The following GLIS1 variants were observed in gnomAD, a reference collection of about 807,000 sequenced individuals.
The protein encoded by GLIS1 is zinc finger protein GLIS1.
Under a neutral mutation model 63.8 loss-of-function variants are expected in GLIS1, and 24 were observed. The observed-to-expected ratio is 0.38, with a 90% confidence interval of 0.27 to 0.53. The LOEUF is 0.53. Ranked by LOEUF, GLIS1 falls within the 20% of genes least tolerant of loss-of-function variation. The pLI is 0.85. For synonymous variants in GLIS1, 450 were observed against 482.5 expected (o/e 0.93, Z 0.88); for missense variants, 1,036 against 1,074.1 (o/e 0.96, Z 0.50).
chr1:53,723,601 G>A (rs754238950), intron 2 of GLIS1, among the ~76,000 whole-genome samples: 5 of 152,074 alleles, frequency 3.3e-5, no homozygotes, highest in Non-Finnish European at 7.4e-5. Context: ...TATATTAATA[G>A]ACAAGCATAG....
intron 2 of GLIS1, among the ~76,000 whole-genome samples, chr1:53,658,282 C>T (rs1262139604): frequency 8.5e-5 from 13 of 152,176 alleles, no homozygotes; most frequent in Non-Finnish European, 1.9e-4. Context: ...CTACTATACA[C>T]CTGATCTTTA....
intron 2 of GLIS1, among the ~76,000 whole-genome samples, chr1:53,669,769 G>A (rs1017404673): frequency 3.9e-5 from 6 of 152,210 alleles, no homozygotes; most frequent in South Asian, 2.1e-4. Flanking sequence ...TGAAAGCAGA[G>A]GACAGGTCCA....
At chr1:53,656,250 C>T (rs1645964358) in intron 2 of GLIS1, among the ~76,000 whole-genome samples, 1 of 152,324 alleles carries the variant, frequency 6.6e-6, no homozygotes, top group Admixed American at 6.5e-5. Flanking sequence ...AGGCACACCA[C>T]CCCATTCCAC....
At chr1:53,570,924 C>T (rs773838868) in intron 4 of GLIS1, among the ~76,000 whole-genome samples, 8 of 151,752 alleles carry the variant, frequency 5.3e-5, no homozygotes, top group Non-Finnish European at 1.2e-4. Context: ...ACTGCAGACA[C>T]AAAAATACAA....
intron 2 of GLIS1, among the ~76,000 whole-genome samples, chr1:53,627,130 G>T (rs183356297): frequency 6.6e-6 from 1 of 152,128 alleles, no homozygotes; most frequent in African/African-American, 2.4e-5. Flanking sequence ...CATGAATCTC[G>T]AACAAGGCAT....
intron 2 of GLIS1, among the ~76,000 whole-genome samples, chr1:53,608,594 G>A (rs1246283399): frequency 1.3e-5 from 2 of 152,208 alleles, no homozygotes; most frequent in Admixed American, 1.3e-4. Flanking sequence ...CTAACTGTGT[G>A]ACCTTGTCTA....
chr1:53,606,105 G>T (rs1452582228), intron 2 of GLIS1, among the ~76,000 whole-genome samples: 2 of 152,198 alleles, frequency 1.3e-5, no homozygotes, highest in Non-Finnish European at 2.9e-5. Flanking sequence ...CCAGGGGATG[G>T]CTGGCTCTTA....
chr1:53,703,172 CTGTT>C (rs2100499154), intron 2 of GLIS1, among the ~76,000 whole-genome samples: 1 of 152,362 alleles, frequency 6.6e-6, no homozygotes, highest in South Asian at 2.1e-4. Context: ...GTGTTTGGCA[CTGTT>C]CTATGCATTT....
At chr1:53,629,255 C>T (rs1400359673) in intron 2 of GLIS1, among the ~76,000 whole-genome samples, 1 of 152,172 alleles carries the variant, frequency 6.6e-6, no homozygotes, top group Non-Finnish European at 1.5e-5. Flanking sequence ...TGGGGACTCA[C>T]TCCTACCCAT....
intron 7 of GLIS1, among the ~76,000 whole-genome samples, chr1:53,516,403 G>A (rs982728659): frequency 3.3e-5 from 5 of 152,108 alleles, no homozygotes; most frequent in Admixed American, 2.0e-4. Flanking sequence ...TGGCAGGGAC[G>A]GCAAGCTCAG....
chr1:53,623,551 T>C (rs1645566912), intron 2 of GLIS1, among the ~76,000 whole-genome samples: 2 of 152,000 alleles, frequency 1.3e-5, no homozygotes, highest in Non-Finnish European at 2.9e-5. Flanking sequence ...TGCAGTTCAG[T>C]AAGAAAGGAA....
Position 53,514,756 on chromosome 1 carries a change from G to A in GLIS1, c.1752C>T (p.Pro584=). Residue 584 remains proline, a synonymous_variant, in exon 8 of 11, where the codon CCC becomes CCT. Coordinates refer to ENST00000628545, the MANE Select transcript of GLIS1 (RefSeq NM_001367484.1). ...LPGVYPGSIT[P]HNGLASGLLP... is the part of the protein sequence containing the mutation. ...GGAGGCCCGATGCAAGTCCGTTATG[G>A]GGGGTGATGGAGCCAGGATACACAC... 2.5e-6 allele frequency: 4 copies of A among 1,605,086 alleles called. No individual in the cohort carries two copies. Among genetic ancestry groups the A allele is most frequent in the Non-Finnish European group, 3.4e-6 (4 of 1,175,712 alleles).
chr1:53,593,837 C>A (rs1645217530), intron 4 of GLIS1, among the ~76,000 whole-genome samples: 1 of 152,248 alleles, frequency 6.6e-6, no homozygotes, highest in African/African-American at 2.4e-5. Context: ...GCCCCGGGCC[C>A]TGTGGCGTGC....
At chr1:53,552,707 C>T (rs1432156328) in intron 4 of GLIS1, among the ~76,000 whole-genome samples, 6 of 152,230 alleles carry the variant, frequency 3.9e-5, no homozygotes, top group Non-Finnish European at 2.9e-5. Flanking sequence ...CTCCATCCCA[C>T]TTAGAGGCTG....
At chr1:53,631,102 T>C (rs1645647528) in intron 2 of GLIS1, among the ~76,000 whole-genome samples, 1 of 152,220 alleles carries the variant, frequency 6.6e-6, no homozygotes, top group Non-Finnish European at 1.5e-5. Flanking sequence ...TGTTTATAAC[T>C]TTTTCCCCAT....
chr1:53,703,711 G>A (rs1479783653), intron 2 of GLIS1, among the ~76,000 whole-genome samples: 1 of 150,240 alleles, frequency 6.7e-6, no homozygotes, highest in Non-Finnish European at 1.5e-5. Context: ...GACAGCCCTT[G>A]ACCTAAAGAG....
chr1:53,603,993 A>T (rs997960187), intron 2 of GLIS1, among the ~76,000 whole-genome samples: 1 of 152,220 alleles, frequency 6.6e-6, no homozygotes, highest in African/African-American at 2.4e-5. Flanking sequence ...AAGCTAGGTA[A>T]GAATTTCATT....
Position 53,591,230 on chromosome 1 carries a change from T to C in GLIS1, c.1320+2878A>G, listed in dbSNP as rs1194654072. ...GAGATTTTACTTATCTGGGTGCTGG[T>C]TGAGGCCCACCCCTTCCCCTGGGTT... is the stretch of plus-strand genomic sequence containing the variant. On this transcript the variant is annotated intron_variant, in intron 4 of 10. Coordinates refer to ENST00000628545, the MANE Select transcript of GLIS1 (RefSeq NM_001367484.1). 2.6e-5 allele frequency among the ~76,000 whole-genome samples: 4 copies of C among 152,184 alleles called. No homozygotes were observed. In the East Asian group the frequency reaches 5.8e-4, roughly 22 times the overall value.
intron 2 of GLIS1, among the ~76,000 whole-genome samples, chr1:53,637,268 G>C (rs989010431): frequency 1.3e-5 from 2 of 152,228 alleles, no homozygotes; most frequent in African/African-American, 4.8e-5. Flanking sequence ...GGTCAGAAGA[G>C]GCTCCCAGGA....
Sources: allele counts gnomAD v4.1 joint callset (sites outside exome capture counted in the v4.1 genomes callset), GRCh38; gene constraint gnomAD v4.1.1; transcripts MANE v1.5; gene names NCBI Gene and HGNC (gene_info 2026-07-23, HGNC 2026-07-21).